DNAH5: variants seen among roughly 807,000 people sequenced by gnomAD.
The protein encoded by DNAH5 is dynein axonemal heavy chain 5.
In DNAH5, 372 loss-of-function variants were observed where a neutral mutation model predicts 518.2. The ratio of observed to expected loss-of-function variants is 0.72; its 90% CI spans 0.66 to 0.78. The LOEUF (loss-of-function observed/expected upper bound fraction) is 0.78, where lower values mean the gene tolerates loss of function less well. Ranked by LOEUF, DNAH5 falls within the 30% of genes least tolerant of loss-of-function variation. DNAH5 has a pLI of 0.00. For missense variants in DNAH5, 5,523 were observed against 5,687.0 expected (o/e 0.97, Z 0.93); for synonymous variants, 2,039 against 2,025.9 (o/e 1.01, Z -0.17).
intron 68 of DNAH5, among the ~76,000 whole-genome samples, chr5:13,731,372 G>A (rs749386480): frequency 4.7e-4 from 72 of 152,320 alleles, no homozygotes; most frequent in Non-Finnish European, 8.5e-4. Context: ...CCACCAGAGG[G>A]TTAGGGAAAG....
At chr5:13,964,069 C>T (rs760936353) in intron 1 of DNAH5, among the ~76,000 whole-genome samples, 3 of 152,242 alleles carry the variant, frequency 2.0e-5, no homozygotes, top group Non-Finnish European at 4.4e-5. Flanking sequence ...GGCTAAAACA[C>T]TGTCCACAGT....
chr5:13,926,770 A>C (rs1372864140), intron 3 of DNAH5, among the ~76,000 whole-genome samples: 1 of 152,252 alleles, frequency 6.6e-6, no homozygotes, highest in African/African-American at 2.4e-5. Flanking sequence ...TTCTTGGTCC[A>C]AGTAAAATTT....
intron 78 of DNAH5, among the ~76,000 whole-genome samples, chr5:13,699,929 A>G (rs534282763): frequency 6.6e-6 from 1 of 152,164 alleles, no homozygotes; most frequent in Non-Finnish European, 1.5e-5. Flanking sequence ...AAAGGTGACA[A>G]AAAAAGCCTC....
intron 1 of DNAH5, among the ~76,000 whole-genome samples, chr5:13,985,506 A>G (rs2152070334): frequency 6.7e-6 from 1 of 150,110 alleles, no homozygotes; most frequent in Middle Eastern, 3.5e-3. Context: ...TTCCAGAAAG[A>G]TGCAGCCATG....
chr5:13,800,970 G>A (rs1758658553), intron 47 of DNAH5, among the ~76,000 whole-genome samples: 1 of 152,184 alleles, frequency 6.6e-6, no homozygotes, highest in Non-Finnish European at 1.5e-5. Context: ...TGTCTAGAAG[G>A]GTGTCTGGTA....
rs1318371903 is a variant in DNAH5, at chr5:13,968,355, T to C, written c.13-37111A>G. The stretch of plus-strand genomic sequence containing the variant: ...CTAGGATTTCCAGTACTATGTTGAA[T>C]AGAAGTGGTGAAAGTGGGCATCCTT... On this transcript the variant is annotated intron_variant, in intron 1 of 78. Transcript: ENST00000681290. Among the ~76,000 whole-genome samples, 3 of 152,206 alleles carry C rather than the reference T, an allele frequency of 2.0e-5. No individual in the cohort carries two copies. In the East Asian group the frequency reaches 5.8e-4, roughly 29 times the overall value.
chr5:13,779,533 T>C (rs1300171732), intron 53 of DNAH5, among the ~76,000 whole-genome samples: 1 of 152,184 alleles, frequency 6.6e-6, no homozygotes, highest in Non-Finnish European at 1.5e-5. Context: ...CGTCAAATGA[T>C]TTTCAGCCCA....
chr5:13,775,135 T>TG (rs1398400588), intron 55 of DNAH5, among the ~76,000 whole-genome samples: 1 of 149,780 alleles, frequency 6.7e-6, no homozygotes, highest in Non-Finnish European at 1.5e-5. Context: ...TCCTTTTTGT[T>TG]TTTTTTTTTT....
intron 63 of DNAH5, 56 bp from the exon 64 acceptor site, chr5:13,752,345 A>C: frequency 6.3e-7 from 1 of 1,576,898 alleles, no homozygotes; most frequent in Non-Finnish European, 8.7e-7. Flanking sequence ...AGCAATGCAC[A>C]GGGATAACTG....
chr5:13,714,394 C>T lies in DNAH5; in HGVS notation c.13125+11G>A, dbSNP rs772248285. The T allele has an allele frequency of 1.2e-6, 2 of 1,613,688 alleles. No individual in the cohort carries two copies. The highest frequency in any genetic ancestry group is 1.7e-6 in the Non-Finnish European group (2 of 1,179,738). On this transcript the variant is annotated intron_variant, in intron 75 of 78. Transcript: ENST00000265104. ...CCCAGCTGACATTTTGTCAGGATTT[C>T]ATCAACTCACTTCAAAGGGGACATA...
At chr5:13,714,700 T>C (rs1744057875) in intron 74 of DNAH5, 80 bp from the exon 75 acceptor site, 1 of 1,392,012 alleles carries the variant, frequency 7.2e-7, no homozygotes, top group East Asian at 2.4e-5. Context: ...GAAACAAAAA[T>C]GCTTCTATGA....
At chr5:13,694,452 G>C (rs1201696182) in intron 78 of DNAH5, among the ~76,000 whole-genome samples, 1 of 152,106 alleles carries the variant, frequency 6.6e-6, no homozygotes. Context: ...TAACTTTGAA[G>C]ACAAAAATAG....
Position 13,786,236 on chromosome 5 carries a change from G to A in DNAH5, c.8763C>T (p.Ile2921=). 6.2e-7 allele frequency: 1 copy of A among 1,614,042 alleles called. No homozygotes were observed. Reference sequence around the variant, plus strand: ...ACACCATGTCCATGCCGGCGCCACGGATGCTCTCATTATAGAGCTGCAGGA... The same window carrying A: ...ACACCATGTCCATGCCGGCGCCACGAATGCTCTCATTATAGAGCTGCAGGA... The part of the protein sequence containing the change: ...NMFLQLYNES[I]RGAGMDMVFF... The change falls in exon 52 of 79, where the codon ATC becomes ATT. Residue 2921 remains isoleucine, a synonymous_variant. Coordinates refer to ENST00000265104, the MANE Select transcript of DNAH5 (RefSeq NM_001369.3).
At chr5:13,783,897 G>T (rs145541026) in intron 52 of DNAH5, among the ~76,000 whole-genome samples, 15 of 152,344 alleles carry the variant, frequency 9.8e-5, no homozygotes, top group African/African-American at 3.4e-4. Context: ...CAGCCGGGAA[G>T]TGGAGAGGAA....
chr5:13,809,258 T>C, intron 45 of DNAH5, 72 bp from the exon 46 acceptor site: 1 of 1,572,552 alleles, frequency 6.4e-7, no homozygotes, highest in South Asian at 1.1e-5. Context: ...GCAGACATCC[T>C]TGAAATCTTA....
At chr5:13,960,156 C>G (rs1473589259) in intron 1 of DNAH5, among the ~76,000 whole-genome samples, 6 of 151,410 alleles carry the variant, frequency 4.0e-5, no homozygotes, top group Non-Finnish European at 5.9e-5. Flanking sequence ...ATTTAGCATG[C>G]TGCAAAAGTT....
intron 1 of DNAH5, among the ~76,000 whole-genome samples, chr5:13,951,208 G>GTTTTTT (rs869082404): frequency 1.5e-5 from 1 of 66,600 alleles, no homozygotes; most frequent in Non-Finnish European, 2.5e-5. Flanking sequence ...TGTTTTTTTC[G>GTTTTTT]TTTTTTTTTT....
chr5:13,744,334 G>C (rs1313378992), intron 65 of DNAH5, among the ~76,000 whole-genome samples: 2 of 151,962 alleles, frequency 1.3e-5, no homozygotes, highest in African/African-American at 4.8e-5. Context: ...TAGAGGCTGG[G>C]AAGGGTAGGG....
rs771514271 is a variant in DNAH5 at position 13,721,068 on chromosome 5, G to C, written c.12211C>G (p.Arg4071Gly). 6.2e-7 allele frequency: 1 copy of C among 1,614,086 alleles called. No homozygotes were observed. Among genetic ancestry groups the C allele is most frequent in the Admixed American group, 1.7e-5 (1 of 60,006 alleles). The change falls in exon 71 of 79, where the codon CGT (arginine) becomes GGT (glycine). Residue 4071 changes from arginine (R) to glycine (G), a missense_variant. Arg to Gly is a moderately radical substitution (Grantham distance 125). Coordinates refer to ENST00000265104, the MANE Select transcript of DNAH5 (RefSeq NM_001369.3). ...ALGKRLKIET[R>G]YVSMGQGQEV... Reference sequence around the variant, plus strand: ...TGGCCCTGGCCCATGGACACATAACGGGTTTCTATTTTTAATCTCTTCCCC... The same window carrying C: ...TGGCCCTGGCCCATGGACACATAACCGGTTTCTATTTTTAATCTCTTCCCC...
Sources: gnomAD v4.1 joint callset for allele counts (sites outside exome capture counted in the v4.1 genomes callset) on GRCh38, gnomAD v4.1.1 for gene constraint, MANE v1.5 for transcripts, NCBI Gene and HGNC (gene_info 2026-07-23, HGNC 2026-07-21) for gene names.